The following PHF14 variants were observed in gnomAD, a reference collection of about 807,000 sequenced individuals.
The protein encoded by PHF14 is PHD finger protein 14.
Under a neutral mutation model 117.9 loss-of-function variants are expected in PHF14, and 55 were observed. The observed-to-expected ratio is 0.47, with a 90% CI of 0.38 to 0.58. The LOEUF is 0.58. Among genes scored for constraint, PHF14 ranks in the 20% least tolerant of loss-of-function variants. PHF14 has a pLI of 0.00. For missense variants in PHF14, 978 were observed against 1,122.2 expected (o/e 0.87, Z 1.84); for synonymous variants, 409 against 368.6 (o/e 1.11, Z -1.26).
intron 17 of PHF14, among the ~76,000 whole-genome samples, chr7:11,149,015 TTTTTG>T (rs1788633137): frequency 1.3e-5 from 2 of 152,242 alleles, no homozygotes; most frequent in South Asian, 4.1e-4. Context: ...TAGGGTTTTT[TTTTTG>T]TTTTGTTTTG....
chr7:11,107,682 A>G, intron 16 of PHF14: 1 of 662,484 alleles, frequency 1.5e-6, no homozygotes, highest in Non-Finnish European at 1.9e-6. Flanking sequence ...TGCTATTCGT[A>G]TAATAATCTG....
In PHF14 at chr7:10,990,763, AT is replaced by A; in HGVS notation, c.964del (p.Cys322AlafsTer15). On this transcript the variant is annotated frameshift_variant, in exon 4 of 18. Coordinates refer to ENST00000634607, the MANE Select transcript of PHF14 (RefSeq NM_001007157.2). LOFTEE classifies it high-confidence loss of function. ...WSSQKMDHIL[I>X]CCVCLGDNSE... ...CTCTCAAAAAATGGACCATATTCTG[AT>A]TTGCTGTGTTTGTCTGGGAGATAAT... 6.3e-7 allele frequency: 1 copy of A among 1,579,056 alleles called. No homozygotes were observed. Among genetic ancestry groups the A allele is most frequent in the Non-Finnish European group, 8.6e-7 (1 of 1,159,546 alleles).
intron 14 of PHF14, among the ~76,000 whole-genome samples, chr7:11,058,747 C>G (rs537444803): frequency 1.3e-5 from 2 of 152,266 alleles, no homozygotes; most frequent in African/African-American, 4.8e-5. Context: ...AATGATTTAG[C>G]TCATTTCTAT....
intron 16 of PHF14, chr7:11,108,881 A>G (rs542474033): frequency 6.6e-6 from 1 of 151,912 alleles, no homozygotes; most frequent in Non-Finnish European, 1.5e-5. Context: ...GTTATACACT[A>G]GAAATCATAA....
chr7:11,063,537 G>C, intron 16 of PHF14: 1 of 976,162 alleles, frequency 1.0e-6, no homozygotes, highest in Non-Finnish European at 1.2e-6. Flanking sequence ...AACTTATAGA[G>C]CTGGTGATCC....
chr7:10,992,429 G>A (rs1464050798), intron 4 of PHF14, among the ~76,000 whole-genome samples: 10 of 151,082 alleles, frequency 6.6e-5, no homozygotes, highest in African/African-American at 1.5e-4. Flanking sequence ...TTGGGAGGCC[G>A]AGGCGGGCGG....
In PHF14 at chr7:11,036,466, G is replaced by T. The variant is rs770204870; in HGVS notation, c.1651G>T (p.Ala551Ser). 12 of 1,613,770 alleles carry T rather than the reference G, an allele frequency of 7.4e-6. No homozygotes were observed. Among genetic ancestry groups the T allele is most frequent in the Non-Finnish European group, 1.0e-5 (12 of 1,179,744 alleles). The part of the protein sequence containing the change: ...LQQYRAKAEL[A>S]RSTRPQAWVP... ...GCAGTATCGTGCCAAAGCAGAACTAGCTCGATCTACCAGACCCCAGGCCTG... is the reference window on the plus strand; with the variant it reads ...GCAGTATCGTGCCAAAGCAGAACTATCTCGATCTACCAGACCCCAGGCCTG... Residue 551 changes from alanine to serine, a missense_variant, in exon 9 of 18, where the codon GCT becomes TCT. This residue lies in a region of PHF14 where 237 missense variants were observed against 276.4 expected (regional missense o/e 0.86). Coordinates refer to ENST00000634607, the MANE Select transcript of PHF14 (RefSeq NM_001007157.2).
intron 17 of PHF14, among the ~76,000 whole-genome samples, chr7:11,148,421 T>C (rs976476638): frequency 6.6e-6 from 1 of 152,198 alleles, no homozygotes; most frequent in African/African-American, 2.4e-5. Context: ...CATTCTCTTC[T>C]CACAGATCAG....
chr7:11,059,756 C>G (rs1396827151), intron 14 of PHF14, among the ~76,000 whole-genome samples: 2 of 151,994 alleles, frequency 1.3e-5, no homozygotes, highest in Non-Finnish European at 2.9e-5. Flanking sequence ...GTCTGAGCAA[C>G]AGAGGGAGAG....
At chr7:11,143,158 G>A (rs1489802251) in intron 17 of PHF14, among the ~76,000 whole-genome samples, 2 of 152,078 alleles carry the variant, frequency 1.3e-5, no homozygotes, top group African/African-American at 4.8e-5. Flanking sequence ...AAATTGTATT[G>A]AACTATGGTT....
At chr7:11,141,601 C>G (rs1234979939) in intron 17 of PHF14, among the ~76,000 whole-genome samples, 2 of 152,040 alleles carry the variant, frequency 1.3e-5, no homozygotes, top group East Asian at 3.9e-4. Flanking sequence ...TATATAATAG[C>G]CTAAGTTGCA....
intron 16 of PHF14, among the ~76,000 whole-genome samples, chr7:11,080,226 C>G (rs963457636): frequency 6.6e-6 from 1 of 151,922 alleles, no homozygotes; most frequent in African/African-American, 2.4e-5. Flanking sequence ...TGTGGAGTAC[C>G]TAGGTGTAGG....
chr7:11,027,240 A>G (rs867022819), intron 6 of PHF14, among the ~76,000 whole-genome samples: 1 of 152,042 alleles, frequency 6.6e-6, no homozygotes, highest in African/African-American at 2.4e-5. Flanking sequence ...CTCTTGCTCA[A>G]TCTCATGTTT....
intron 17 of PHF14, among the ~76,000 whole-genome samples, chr7:11,118,731 A>G (rs940077744): frequency 6.6e-6 from 1 of 151,884 alleles, no homozygotes; most frequent in Non-Finnish European, 1.5e-5. Context: ...CATTCTTAAT[A>G]GTATTAATAG....
At chr7:11,103,976 G>A (rs775213381) in intron 16 of PHF14, 23 of 984,932 alleles carry the variant, frequency 2.3e-5, no homozygotes, top group Non-Finnish European at 2.7e-5. Context: ...GGAAATGTTG[G>A]TAATTATTAC....
At chr7:11,043,615 C>T (rs1265088889) in intron 13 of PHF14, among the ~76,000 whole-genome samples, 1 of 151,990 alleles carries the variant, frequency 6.6e-6, no homozygotes, top group Non-Finnish European at 1.5e-5. Flanking sequence ...CTTAAGGCTA[C>T]CTCTGTTCAT....
chr7:11,104,827 G>C (rs1787206513), intron 16 of PHF14: 1 of 781,602 alleles, frequency 1.3e-6, no homozygotes, highest in Non-Finnish European at 1.6e-6. Context: ...AGCTGATGCT[G>C]ATGCTACTGG....
intron 3 of PHF14, among the ~76,000 whole-genome samples, chr7:10,988,117 C>T (rs1022867637): frequency 6.6e-6 from 1 of 151,394 alleles, no homozygotes; most frequent in African/African-American, 2.4e-5. Context: ...ACATTGTCTG[C>T]TAGCCATTTA....
At chr7:11,142,066 G>T (rs914837848) in intron 17 of PHF14, among the ~76,000 whole-genome samples, 2 of 151,914 alleles carry the variant, frequency 1.3e-5, no homozygotes, top group African/African-American at 4.8e-5. Flanking sequence ...TTTCTTAGGG[G>T]TTTTTGTTGT....
Sources: allele counts gnomAD v4.1 joint callset (sites outside exome capture counted in the v4.1 genomes callset), GRCh38; gene constraint gnomAD v4.1.1; regional missense constraint gnomAD v4.1.1; transcripts MANE v1.5; gene names NCBI Gene and HGNC (gene_info 2026-07-23, HGNC 2026-07-21).